The following PRKN variants were observed in gnomAD, a reference collection of about 807,000 sequenced individuals.
PRKN encodes E3 ubiquitin-protein ligase parkin.
Under a neutral mutation model 59.5 loss-of-function variants are expected in PRKN, and 56 were observed. The observed-to-expected ratio is 0.94, with a 90% CI of 0.76 to 1.18. The LOEUF (loss-of-function observed/expected upper bound fraction) is 1.18, where lower values mean the gene tolerates loss of function less well. PRKN is among the 50% of genes most tolerant of loss of function. The probability of loss-of-function intolerance (pLI) is 0.00; values close to 1 mark genes in which losing one functional copy is unlikely to be tolerated. For missense variants in PRKN, 657 were observed against 596.4 expected, an observed-to-expected ratio of 1.10 and a Z score of -1.06; for synonymous variants, 250 against 222.1, an observed-to-expected ratio of 1.13 and a Z score of -1.12.
At chr6:161,993,464 C>T (rs1218733891) in intron 5 of PRKN, among the ~76,000 whole-genome samples, 1 of 152,100 alleles carries the variant, frequency 6.6e-6, no homozygotes, top group African/African-American at 2.4e-5. Flanking sequence ...AAAAGTCCCC[C>T]AACAAGGAAA....
At chr6:161,465,233 T>C (rs1053712364) in intron 9 of PRKN, among the ~76,000 whole-genome samples, 4 of 152,172 alleles carry the variant, frequency 2.6e-5, no homozygotes, top group African/African-American at 4.8e-5. Context: ...GGCGACATGC[T>C]TTCTGGCTTG....
At chr6:162,700,913 T>C (rs979647271) in intron 1 of PRKN, among the ~76,000 whole-genome samples, 1 of 152,054 alleles carries the variant, frequency 6.6e-6, no homozygotes, top group African/African-American at 2.4e-5. Flanking sequence ...CTGCATTAGG[T>C]TTTCCTTTAC....
chr6:161,388,864 G>A lies in PRKN; in HGVS notation c.1084-1987C>T, dbSNP rs1214449918. Among the ~76,000 whole-genome samples, 3 of 152,210 alleles carry A rather than the reference G, an allele frequency of 2.0e-5. No homozygotes were observed. Among genetic ancestry groups the A allele is most frequent in the African/African-American group, 7.2e-5 (3 of 41,440 alleles). On this transcript the variant is annotated intron_variant, in intron 9 of 11. Transcript: ENST00000366898. The surrounding 1 kb of genome is among the most constrained non-coding windows in gnomAD (Gnocchi z 4.3). ...GCCAGCACCAACTTGCCAGCTATGT[G>A]ACTGGGTCATATTCCAAGTAGACTG...
intron 1 of PRKN, among the ~76,000 whole-genome samples, chr6:162,468,108 G>C (rs532019017): frequency 1.3e-5 from 2 of 152,086 alleles, no homozygotes; most frequent in African/African-American, 4.8e-5. Context: ...TGTAAGCCCC[G>C]ACAGGACAGG....
At chr6:162,504,881 G>T (rs61051845) in intron 1 of PRKN, among the ~76,000 whole-genome samples, 43,038 of 152,002 alleles carry the variant, frequency 0.28, 6,980 homozygotes, top group Middle Eastern at 0.37. Context: ...ATTGAGGAAA[G>T]ACAGAACTAG....
At chr6:162,360,250 A>C (rs138720042) in intron 2 of PRKN, among the ~76,000 whole-genome samples, 1 of 152,120 alleles carries the variant, frequency 6.6e-6, no homozygotes, top group Non-Finnish European at 1.5e-5. Context: ...TTATTTTTTA[A>C]TATTTGTTAT....
chr6:162,339,099 C>T (rs1784004588), intron 2 of PRKN, among the ~76,000 whole-genome samples: 1 of 149,680 alleles, frequency 6.7e-6, no homozygotes, highest in South Asian at 2.1e-4. Context: ...CGACCGGCAG[C>T]CGCCCCGTCT....
chr6:161,770,275 T>TA (rs1789608913), intron 7 of PRKN, among the ~76,000 whole-genome samples: 1 of 152,190 alleles, frequency 6.6e-6, no homozygotes, highest in East Asian at 1.9e-4. Flanking sequence ...GAGCAGAACT[T>TA]ACATACAGAG....
At position 161,454,405 on chromosome 6, in the gene PRKN, G is replaced by A. The variant is rs1282816954; in HGVS notation, c.1084-67528C>T. Among the ~76,000 whole-genome samples, 1 of 152,158 alleles carries A rather than the reference G, an allele frequency of 6.6e-6. No homozygotes were observed. On this transcript the variant is annotated intron_variant, in intron 9 of 11. Coordinates refer to ENST00000366898, the MANE Select transcript of PRKN (RefSeq NM_004562.3). The surrounding 1 kb of genome is among the most constrained non-coding windows in gnomAD (Gnocchi z 4.6). ...GTTAGGGTGGCTTTGGGAAACCCTTGACTGCTTGAGGAATCCTTTCCAATT... is the reference window on the plus strand; with the variant it reads ...GTTAGGGTGGCTTTGGGAAACCCTTAACTGCTTGAGGAATCCTTTCCAATT...
chr6:161,754,383 G>A (rs941231528), intron 7 of PRKN, among the ~76,000 whole-genome samples: 4 of 152,038 alleles, frequency 2.6e-5, no homozygotes, highest in South Asian at 2.1e-4. Flanking sequence ...ACCTGGTTCC[G>A]GAGAAGTTCC....
intron 7 of PRKN, among the ~76,000 whole-genome samples, chr6:161,690,356 T>A (rs1785733902): frequency 6.6e-6 from 1 of 152,202 alleles, no homozygotes; most frequent in Non-Finnish European, 1.5e-5. Context: ...GAGTTTGAAT[T>A]GGAACTTTCC....
At chr6:161,961,998 T>C (rs1780398796) in intron 6 of PRKN, among the ~76,000 whole-genome samples, 1 of 152,214 alleles carries the variant, frequency 6.6e-6, no homozygotes, top group Non-Finnish European at 1.5e-5. Flanking sequence ...TGAGGTCATG[T>C]TTCCTGTGAT....
intron 2 of PRKN, among the ~76,000 whole-genome samples, chr6:162,415,957 C>T (rs1213717981): frequency 2.6e-5 from 4 of 152,188 alleles, no homozygotes; most frequent in Non-Finnish European, 5.9e-5. Context: ...TGAAAGACTG[C>T]AAAACGCTGA....
intron 1 of PRKN, among the ~76,000 whole-genome samples, chr6:162,586,821 A>G (rs1446840572): frequency 6.6e-6 from 1 of 152,216 alleles, no homozygotes; most frequent in East Asian, 1.9e-4. Context: ...ATGAACTGTT[A>G]AAGCTTGCAA....
intron 2 of PRKN, among the ~76,000 whole-genome samples, chr6:162,370,114 A>G (rs1450176466): frequency 2.0e-5 from 3 of 152,174 alleles, no homozygotes; most frequent in African/African-American, 7.2e-5. Flanking sequence ...GCTTAACAGC[A>G]AATTTCACTG....
chr6:162,463,058 G>C (rs1021856806), intron 1 of PRKN, among the ~76,000 whole-genome samples: 3 of 151,370 alleles, frequency 2.0e-5, no homozygotes, highest in Non-Finnish European at 4.4e-5. Flanking sequence ...GACGGAGTGA[G>C]ACTCCGTCTC....
chr6:162,504,657 T>C (rs1010905011), intron 1 of PRKN, among the ~76,000 whole-genome samples: 4 of 152,124 alleles, frequency 2.6e-5, no homozygotes, highest in Admixed American at 1.3e-4. Flanking sequence ...AACATTAGTA[T>C]AGGAAGGCTT....
chr6:162,202,019 A>G (rs1003028886), intron 3 of PRKN, among the ~76,000 whole-genome samples: 2 of 152,202 alleles, frequency 1.3e-5, no homozygotes, highest in African/African-American at 4.8e-5. Flanking sequence ...ATATCTGTTA[A>G]GAATTAACTT....
chr6:162,142,283 G>A (rs942145485), intron 4 of PRKN, among the ~76,000 whole-genome samples: 4 of 152,174 alleles, frequency 2.6e-5, no homozygotes, highest in African/African-American at 9.7e-5. Context: ...GGCTCATGCA[G>A]CACAGATGGC....
Sources: allele counts gnomAD v4.1 joint callset (sites outside exome capture counted in the v4.1 genomes callset), GRCh38; gene constraint gnomAD v4.1.1; non-coding constraint Gnocchi (gnomAD v3.1); transcripts MANE v1.5; gene names NCBI Gene and HGNC (gene_info 2026-07-23, HGNC 2026-07-21).